The following ABHD6 variants were observed in gnomAD, a reference collection of about 807,000 sequenced individuals.
The protein encoded by ABHD6 is abhydrolase domain containing 6, acylglycerol lipase.
Under a neutral mutation model 38.8 loss-of-function variants are expected in ABHD6, and 33 were observed. That is an observed-to-expected ratio of 0.85 (90% CI 0.64 to 1.14). The LOEUF is 1.14. Ranked by LOEUF, ABHD6 falls within the 50% of genes most tolerant of loss-of-function variation. The pLI is 0.00. For synonymous variants in ABHD6, 147 were observed against 161.6 expected (o/e 0.91, Z 0.69); for missense variants, 380 against 422.6 (o/e 0.90, Z 0.88).
intron 1 of ABHD6, among the ~76,000 whole-genome samples, chr3:58,242,419 G>A (rs1039124492): frequency 2.0e-5 from 3 of 152,206 alleles, no homozygotes; most frequent in African/African-American, 7.2e-5. Context: ...TCTGACGAAT[G>A]TTTCTTTCAT....
At position 58,285,152 on chromosome 3, in the gene ABHD6, A is replaced by G. The variant is rs375612642; in HGVS notation, c.736+13A>G. On this transcript the variant is annotated intron_variant, in intron 8 of 9. Coordinates refer to ENST00000478253, the MANE Select transcript of ABHD6 (RefSeq NM_001320126.2). The surrounding 1 kb of genome is among the most constrained non-coding windows in gnomAD (Gnocchi z 4.9). ...TTCTACCGAAAGTGTAAGTAGCCCT[A>G]CTTTCAGCTTGGAGCTTGTTACAAG... is the stretch of plus-strand genomic sequence containing the variant. The G allele has an allele frequency of 3.1e-6, 5 of 1,613,334 alleles. No homozygotes were observed. The highest frequency in any genetic ancestry group is 2.7e-5 in the African/African-American group (2 of 74,898).
chr3:58,290,708 G>A (rs1447270312), intron 9 of ABHD6, among the ~76,000 whole-genome samples: 1 of 151,426 alleles, frequency 6.6e-6, no homozygotes, highest in East Asian at 2.0e-4. Context: ...ACGGGGTCGC[G>A]GCCGGGCAGA....
rs920762328 is a variant in ABHD6 at position 58,254,861 on chromosome 3, C to T, written c.-25-1701C>T. On this transcript the variant is annotated intron_variant, in intron 2 of 9. Transcript: ENST00000478253. ...ACATATATATGTGTATACACACACA[C>T]ACACACACACACACACACACACATA... 4.2e-4 allele frequency among the ~76,000 whole-genome samples: 63 copies of T among 149,912 alleles called. 1 individual carries two copies. The highest frequency in any genetic ancestry group is 9.6e-4 in the African/African-American group (39 of 40,686).
intron 1 of ABHD6, among the ~76,000 whole-genome samples, chr3:58,245,842 C>CA (rs1288379281): frequency 2.6e-5 from 3 of 114,632 alleles, no homozygotes; most frequent in African/African-American, 1.1e-4. Context: ...AAAGAAAGAA[C>CA]AAAAAAAGAA....
chr3:58,238,848 G>T lies in ABHD6; in HGVS notation c.-91+932G>T, dbSNP rs1028438341. ...CGCCGCCCCCCTCCCCGCTGCTCCC[G>T]CCTGCTCAGAAATCCCTAGTGGCTC... On this transcript the variant is annotated intron_variant, in intron 1 of 9. Coordinates refer to ENST00000478253, the MANE Select transcript of ABHD6 (RefSeq NM_001320126.2). The surrounding 1 kb of genome is among the most constrained non-coding windows in gnomAD (Gnocchi z 6.9). Among the ~76,000 whole-genome samples, 13 of 152,100 alleles carry T rather than the reference G, an allele frequency of 8.5e-5. No individual in the cohort carries two copies. The highest frequency in any genetic ancestry group is 1.5e-4 in the Non-Finnish European group (10 of 67,972).
chr3:58,271,104 T>G, intron 6 of ABHD6, 40 bp downstream of exon 6: 1 of 1,549,202 alleles, frequency 6.5e-7, no homozygotes, highest in Non-Finnish European at 8.7e-7. Context: ...CAGGGATGAA[T>G]CCCTGAAGAA....
Position 58,245,408 on chromosome 3 carries a change from C to T in ABHD6, c.-90-4470C>T, listed in dbSNP as rs374933444. Among the ~76,000 whole-genome samples, 141 of 152,062 alleles carry T rather than the reference C, an allele frequency of 9.3e-4. 2 individuals are homozygous for T. The highest frequency in any genetic ancestry group is 3.4e-3 in the Middle Eastern group (1 of 294). ...CTCGAACTCCTGACCTCAGGTAATC[C>T]GCCCACCTGGGCCTCCCAAAGTGCT... On this transcript the variant is annotated intron_variant, in intron 1 of 9. Transcript: ENST00000478253.
chr3:58,242,075 G>C (rs1365604248), intron 1 of ABHD6, among the ~76,000 whole-genome samples: 1 of 152,196 alleles, frequency 6.6e-6, no homozygotes, highest in Non-Finnish European at 1.5e-5. Flanking sequence ...ATGGGCTGGA[G>C]CTCGCCAGGC....
intron 7 of ABHD6, 146 bp downstream of exon 7, chr3:58,274,961 C>A: frequency 9.8e-7 from 1 of 1,018,958 alleles, no homozygotes. Context: ...CTCTGCAGTG[C>A]CTGCAACACG....
At chr3:58,241,860 A>G (rs2097423058) in intron 1 of ABHD6, among the ~76,000 whole-genome samples, 1 of 152,172 alleles carries the variant, frequency 6.6e-6, no homozygotes, top group Non-Finnish European at 1.5e-5. Flanking sequence ...GTTTCCTTGC[A>G]TCATCCCATT....
At chr3:58,290,321 C>T (rs1206591580) in intron 9 of ABHD6, among the ~76,000 whole-genome samples, 1 of 131,964 alleles carries the variant, frequency 7.6e-6, no homozygotes, top group African/African-American at 2.9e-5. Flanking sequence ...CCCTCCCGGA[C>T]GGGGCGGCTG....
chr3:58,287,877 A>G lies in ABHD6; in HGVS notation c.837+2424A>G, dbSNP rs772633266. On this transcript the variant is annotated intron_variant, in intron 9 of 9. Transcript: ENST00000478253. The surrounding 1 kb of genome is among the most constrained non-coding windows in gnomAD (Gnocchi z 4.7). ...ATTAAGGGTTTCTGAAACTTCTAGT[A>G]CCAGGGTTATTTTGAGGCTCAAATG... Among the ~76,000 whole-genome samples, 2 of 152,226 alleles carry G rather than the reference A, an allele frequency of 1.3e-5. No individual in the cohort carries two copies. Among genetic ancestry groups the G allele is most frequent in the Non-Finnish European group, 2.9e-5 (2 of 68,028 alleles).
intron 1 of ABHD6, among the ~76,000 whole-genome samples, chr3:58,247,386 G>A (rs946952771): frequency 1.3e-5 from 2 of 152,126 alleles, no homozygotes; most frequent in African/African-American, 4.8e-5. Context: ...TGTCCAATAT[G>A]ATAACCACAA....
rs977697695 is a variant in ABHD6, at chr3:58,293,001, A to T, written c.838-588A>T. ...ACAGCTTGGGCTGCCCTAACCAGCC[A>T]CAGGGCCAGCCTGATCAAGTCACTC... On this transcript the variant is annotated intron_variant, in intron 9 of 9. Transcript: ENST00000478253. The surrounding 1 kb of genome is among the most constrained non-coding windows in gnomAD (Gnocchi z 4.4). 1.3e-5 allele frequency among the ~76,000 whole-genome samples: 2 copies of T among 152,170 alleles called. No homozygotes were observed. The highest frequency in any genetic ancestry group is 2.4e-5 in the African/African-American group (1 of 41,440).
intron 9 of ABHD6, among the ~76,000 whole-genome samples, chr3:58,286,901 A>G (rs2097457874): frequency 1.1e-5 from 1 of 88,772 alleles, no homozygotes; most frequent in Non-Finnish European, 2.3e-5. Context: ...TATCTTGGAA[A>G]TCATTTTATA....
At chr3:58,283,263 T>A (rs1033117588) in intron 7 of ABHD6, among the ~76,000 whole-genome samples, 1 of 152,074 alleles carries the variant, frequency 6.6e-6, no homozygotes, top group East Asian at 1.9e-4. Flanking sequence ...CAGAATAGAG[T>A]GGCCAAATGA....
At chr3:58,245,403 T>C (rs1488779223) in intron 1 of ABHD6, among the ~76,000 whole-genome samples, 1 of 151,290 alleles carries the variant, frequency 6.6e-6, no homozygotes, top group Non-Finnish European at 1.5e-5. Flanking sequence ...TGACCTCAGG[T>C]AATCCGCCCA....
In ABHD6 at chr3:58,238,970, G is replaced by T. The variant is rs183898564; in HGVS notation, c.-91+1054G>T. On this transcript the variant is annotated intron_variant, in intron 1 of 9. Coordinates refer to ENST00000478253, the MANE Select transcript of ABHD6 (RefSeq NM_001320126.2). The surrounding 1 kb of genome is among the most constrained non-coding windows in gnomAD (Gnocchi z 6.9). ...AGGCCCTGTCCTAAGCCCCTTAAAA[G>T]AATTACCTGCCATACTTTCCCCAAC... 4.6e-5 allele frequency among the ~76,000 whole-genome samples: 7 copies of T among 152,134 alleles called. No individual in the cohort carries two copies. The highest frequency in any genetic ancestry group is 1.7e-4 in the African/African-American group (7 of 41,494).
At chr3:58,239,122 C>G (rs2097421087) in intron 1 of ABHD6, among the ~76,000 whole-genome samples, 1 of 151,634 alleles carries the variant, frequency 6.6e-6, no homozygotes, top group African/African-American at 2.4e-5. Context: ...CCCCCAACCG[C>G]CCCCCCAACC....
Sources: gnomAD v4.1 joint callset for allele counts (sites outside exome capture counted in the v4.1 genomes callset) on GRCh38, gnomAD v4.1.1 for gene constraint, Gnocchi (gnomAD v3.1) non-coding constraint, MANE v1.5 for transcripts, NCBI Gene and HGNC (gene_info 2026-07-23, HGNC 2026-07-21) for gene names.